SIPA1L1: variants seen among roughly 807,000 people sequenced by gnomAD.
The protein encoded by SIPA1L1 is signal-induced proliferation-associated 1-like protein 1.
SIPA1L1 carries 26 observed loss-of-function variants against 162.7 expected under a neutral mutation model. The ratio of observed to expected loss-of-function variants is 0.16; its 90% CI spans 0.12 to 0.22. SIPA1L1 has a LOEUF of 0.22. Among genes scored for constraint, SIPA1L1 ranks in the 10% least tolerant of loss-of-function variants. The pLI is 1.00. For missense variants in SIPA1L1, 1,874 were observed against 2,241.0 expected (o/e 0.84, Z 3.31); for synonymous variants, 829 against 837.4 (o/e 0.99, Z 0.17).
At chr14:71,512,158 A>T (rs1280936121) in intron 2 of SIPA1L1, among the ~76,000 whole-genome samples, 2 of 152,140 alleles carry the variant, frequency 1.3e-5, no homozygotes, top group African/African-American at 4.8e-5. Flanking sequence ...TAGCGTCTGA[A>T]TTAGGAACAG....
intron 2 of SIPA1L1, among the ~76,000 whole-genome samples, chr14:71,433,217 C>CGTAA (rs2044128412): frequency 1.3e-5 from 2 of 152,180 alleles, no homozygotes; most frequent in African/African-American, 4.8e-5. Context: ...TCTTTTTACC[C>CGTAA]GTTCAGGGAA....
chr14:71,622,026 C>T (rs989106000), intron 6 of SIPA1L1, among the ~76,000 whole-genome samples: 1 of 152,032 alleles, frequency 6.6e-6, no homozygotes, highest in African/African-American at 2.4e-5. Flanking sequence ...AGAGATAGTT[C>T]CTTCACTTTT....
In SIPA1L1 at chr14:71,739,099, A is replaced by C; in HGVS notation, c.5290A>C (p.Asn1764His). The change falls in exon 24 of 24, where the codon AAC becomes CAC. Residue 1764 changes from asparagine (N) to histidine (H), a missense_variant. Coordinates refer to ENST00000381232, the MANE Select transcript of SIPA1L1 (RefSeq NM_001386936.1). ...CCTGAGGCTACAGGAGGAGTCCCAG[A>C]ACGCCTCGGACAAGCTGAAGAAGTT... ...DNLRLQEESQ[N>H]ASDKLKKFTE... 6.2e-7 allele frequency: 1 copy of C among 1,614,116 alleles called. No homozygotes were observed. Among genetic ancestry groups the C allele is most frequent in the South Asian group, 1.1e-5 (1 of 91,080 alleles).
chr14:71,678,785 G>A (rs1444751755), intron 12 of SIPA1L1, among the ~76,000 whole-genome samples: 2 of 151,906 alleles, frequency 1.3e-5, no homozygotes, highest in African/African-American at 4.8e-5. Flanking sequence ...TTTCTTGGTG[G>A]TAGGCTATTA....
chr14:71,727,637 A>G (rs1397381593), intron 19 of SIPA1L1, among the ~76,000 whole-genome samples: 4 of 152,148 alleles, frequency 2.6e-5, no homozygotes, highest in African/African-American at 9.7e-5. Flanking sequence ...GTCCTCTGAA[A>G]TCCCTTCCAG....
chr14:71,714,757 AT>A (rs2083138046), intron 17 of SIPA1L1, among the ~76,000 whole-genome samples: 1 of 151,984 alleles, frequency 6.6e-6, no homozygotes, highest in Non-Finnish European at 1.5e-5. Flanking sequence ...AATTTTTAAT[AT>A]TTTTATAGAG....
At chr14:71,391,615 G>T (rs1341711695) in intron 2 of SIPA1L1, among the ~76,000 whole-genome samples, 2 of 152,206 alleles carry the variant, frequency 1.3e-5, no homozygotes, top group Non-Finnish European at 2.9e-5. Context: ...GTCAGTGCTA[G>T]CCAAGAAATA....
intron 3 of SIPA1L1, among the ~76,000 whole-genome samples, chr14:71,520,556 C>T (rs756551572): frequency 1.8e-4 from 27 of 152,198 alleles, no homozygotes; most frequent in East Asian, 5.8e-4. Flanking sequence ...GGGACTCCTG[C>T]GAGTTATAGC....
At chr14:71,355,422 T>G (rs1382673737) in intron 2 of SIPA1L1, among the ~76,000 whole-genome samples, 2 of 152,210 alleles carry the variant, frequency 1.3e-5, no homozygotes. Flanking sequence ...CAGTGAAAAG[T>G]TCACTGCTGC....
intron 14 of SIPA1L1, among the ~76,000 whole-genome samples, 164 bp downstream of exon 14, chr14:71,699,291 G>C (rs1027793185): frequency 6.6e-6 from 1 of 152,196 alleles, no homozygotes; most frequent in Non-Finnish European, 1.5e-5. Context: ...TGGCTTCATG[G>C]CTGGTTTAAA....
intron 2 of SIPA1L1, among the ~76,000 whole-genome samples, chr14:71,392,703 AT>A (rs890518455): frequency 0.019 from 2,696 of 145,202 alleles, 72 homozygotes; most frequent in African/African-American, 0.061. Context: ...AATTTTTTGT[AT>A]TTTTTTTTTT....
intron 2 of SIPA1L1, among the ~76,000 whole-genome samples, chr14:71,389,374 CTA>C (rs2141318890): frequency 6.6e-6 from 1 of 152,260 alleles, no homozygotes; most frequent in Non-Finnish European, 1.5e-5. Flanking sequence ...TTCATAGTTT[CTA>C]TGTTTCCCTT....
chr14:71,462,746 C>T (rs568500694), intron 2 of SIPA1L1, among the ~76,000 whole-genome samples: 17 of 152,116 alleles, frequency 1.1e-4, no homozygotes, highest in African/African-American at 2.2e-4. Flanking sequence ...ATGTCATCAA[C>T]GTAATGGACC....
At chr14:71,613,001 T>C (rs942747213) in intron 5 of SIPA1L1, among the ~76,000 whole-genome samples, 3 of 152,182 alleles carry the variant, frequency 2.0e-5, no homozygotes, top group Non-Finnish European at 4.4e-5. Flanking sequence ...AACATTTAAA[T>C]GTGAGGAATG....
chr14:71,457,443 C>T (rs558632707), intron 2 of SIPA1L1, among the ~76,000 whole-genome samples: 210 of 151,548 alleles, frequency 1.4e-3, no homozygotes, highest in Non-Finnish European at 2.5e-3. Context: ...TGGCTACAGG[C>T]ACATGTCACC....
chr14:71,582,887 T>C (rs1271646848), intron 4 of SIPA1L1, among the ~76,000 whole-genome samples: 2 of 152,206 alleles, frequency 1.3e-5, no homozygotes, highest in Admixed American at 1.3e-4. Context: ...TCCATGACAT[T>C]GCACTAAGAT....
chr14:71,404,590 G>T (rs779480532), intron 2 of SIPA1L1, among the ~76,000 whole-genome samples: 1 of 152,262 alleles, frequency 6.6e-6, no homozygotes, highest in Admixed American at 6.5e-5. Context: ...TAAAGGACAA[G>T]GTGTTTTCTG....
chr14:71,588,813 A>G lies in SIPA1L1; in HGVS notation c.941A>G (p.Glu314Gly). The change falls in exon 5 of 24, where the codon GAA becomes GGA. Residue 314 changes from glutamate to glycine, a missense_variant. Physicochemically the swap from Glu to Gly is moderately conservative, Grantham distance 98. Transcript: ENST00000381232. The surrounding 1 kb of genome is among the most constrained non-coding windows in gnomAD (Gnocchi z 4.3). ...GEELGKSSDL[E>G]DNRSEDSVRP... ...GAACTTGGGAAGTCATCAGATCTTG[A>G]AGATAACCGATCAGAAGACTCTGTC... 6.2e-7 allele frequency: 1 copy of G among 1,614,170 alleles called. No homozygotes were observed. Among genetic ancestry groups the G allele is most frequent in the Non-Finnish European group, 8.5e-7 (1 of 1,180,004 alleles).
At chr14:71,424,285 T>C (rs965446396) in intron 2 of SIPA1L1, among the ~76,000 whole-genome samples, 1 of 152,134 alleles carries the variant, frequency 6.6e-6, no homozygotes, top group Non-Finnish European at 1.5e-5. Context: ...GCCTAAATGC[T>C]CTGGTGGAAC....
Sources: gnomAD v4.1 joint callset for allele counts (sites outside exome capture counted in the v4.1 genomes callset) on GRCh38, gnomAD v4.1.1 for gene constraint, Gnocchi (gnomAD v3.1) non-coding constraint, MANE v1.5 for transcripts, NCBI Gene and HGNC (gene_info 2026-07-23, HGNC 2026-07-21) for gene names.